The following IL1RAPL2 variants were observed in gnomAD, a reference collection of about 807,000 sequenced individuals.
The protein encoded by IL1RAPL2 is interleukin 1 receptor accessory protein like 2.
In IL1RAPL2, 3 loss-of-function variants were observed where a neutral mutation model predicts 44.1. The observed-to-expected ratio is 0.07, with a 90% CI of 0.03 to 0.18. The LOEUF is 0.18. Among genes scored for constraint, IL1RAPL2 ranks in the 10% least tolerant of loss-of-function variants. IL1RAPL2 has a pLI of 1.00. For synonymous variants in IL1RAPL2, 181 were observed against 178.8 expected (o/e 1.01, Z -0.10); for missense variants, 391 against 496.4 (o/e 0.79, Z 2.02).
chrX:105,139,937 G>A (rs2033111439), intron 2 of IL1RAPL2, among the ~76,000 whole-genome samples: 1 of 112,036 alleles, frequency 8.9e-6, no homozygotes, highest in African/African-American at 3.2e-5. Context: ...CACACAGACA[G>A]ATGTCATCTA....
chrX:105,576,192 T>A (rs766287759), intron 6 of IL1RAPL2, among the ~76,000 whole-genome samples: 1 of 111,654 alleles, frequency 9.0e-6, no homozygotes, highest in Non-Finnish European at 1.9e-5. Context: ...TTGCTTTTGT[T>A]GCAATTGATT....
intron 2 of IL1RAPL2, among the ~76,000 whole-genome samples, chrX:104,833,909 T>C (rs1043060688): frequency 3.6e-5 from 4 of 112,185 alleles, no homozygotes; most frequent in African/African-American, 1.3e-4. Flanking sequence ...TTTAATATTA[T>C]ACAAATATAT....
At chrX:105,388,356 A>ATTTTTTTTTTTTTTTTTTTTTTTTTTTT (rs772573698) in intron 5 of IL1RAPL2, among the ~76,000 whole-genome samples, 5 of 61,264 alleles carry the variant, frequency 8.2e-5, no homozygotes, top group African/African-American at 5.2e-4. Flanking sequence ...ACCAAAGCAG[A>ATTTTTTTTTTTTTTTTTTTTTTTTTTTT]TTTTTTTTTT....
intron 3 of IL1RAPL2, among the ~76,000 whole-genome samples, chrX:105,206,064 T>C (rs2147617567): frequency 9.0e-6 from 1 of 111,030 alleles, no homozygotes; most frequent in African/African-American, 3.3e-5. Context: ...AAAGGATGAC[T>C]CCTGTTGCTT....
At chrX:104,962,723 G>A (rs1454222216) in intron 2 of IL1RAPL2, among the ~76,000 whole-genome samples, 1 of 111,766 alleles carries the variant, frequency 8.9e-6, no homozygotes, top group Non-Finnish European at 1.9e-5. Context: ...ATTGGAAGGT[G>A]CCTTTAAAAA....
At chrX:105,447,106 T>TATATATAA (rs1466812826) in intron 5 of IL1RAPL2, among the ~76,000 whole-genome samples, 22 of 33,207 alleles carry the variant, frequency 6.6e-4, no homozygotes, top group Admixed American at 9.3e-4. Context: ...TATATATATA[T>TATATATAA]AAAAATATAT....
chrX:104,762,831 G>T (rs1055463033), intron 2 of IL1RAPL2, among the ~76,000 whole-genome samples: 20 of 111,258 alleles, frequency 1.8e-4, no homozygotes, highest in Non-Finnish European at 2.8e-4. Context: ...ACCAAGTCCT[G>T]AGACTACACA....
At chrX:104,570,420 C>T (rs1461707711) in intron 1 of IL1RAPL2, among the ~76,000 whole-genome samples, 1 of 111,973 alleles carries the variant, frequency 8.9e-6, no homozygotes. Context: ...GGCATGGTGG[C>T]TCACATCTGT....
In IL1RAPL2 at chrX:104,762,326, A is replaced by G. The variant is rs187102469; in HGVS notation, c.82+103331A>G. The stretch of plus-strand genomic sequence containing the variant: ...GGAGGTCAAATCCTAAAGCTCCAAA[A>G]TGATCTCCTTTGATTCCATGTCTCA... On this transcript the variant is annotated intron_variant, in intron 2 of 10. Coordinates refer to ENST00000372582, the MANE Select transcript of IL1RAPL2 (RefSeq NM_017416.2). Among the ~76,000 whole-genome samples the G allele has an allele frequency of 5.4e-5, 6 of 111,262 alleles. No homozygotes were observed. The East Asian group carries it at 1.7e-3, about 32-fold the overall frequency.
intron 5 of IL1RAPL2, among the ~76,000 whole-genome samples, chrX:105,343,997 T>C (rs1484574502): frequency 9.1e-6 from 1 of 110,477 alleles, no homozygotes; most frequent in African/African-American, 3.3e-5. Flanking sequence ...CAGGTTCAAG[T>C]GATTCCCCTG....
chrX:104,936,424 G>A (rs918017355), intron 2 of IL1RAPL2, among the ~76,000 whole-genome samples: 5 of 110,826 alleles, frequency 4.5e-5, no homozygotes, highest in African/African-American at 9.9e-5. Flanking sequence ...TGTTCTATGG[G>A]TTAAGGTCAA....
At chrX:105,243,789 G>T (rs184488344) in intron 4 of IL1RAPL2, among the ~76,000 whole-genome samples, 1 of 109,654 alleles carries the variant, frequency 9.1e-6, no homozygotes, top group East Asian at 2.9e-4. Flanking sequence ...CCTAGACTCA[G>T]CATGGATAGA....
intron 2 of IL1RAPL2, among the ~76,000 whole-genome samples, chrX:104,805,058 C>T (rs1361861): frequency 0.43 from 47,843 of 110,593 alleles, 7,449 homozygotes; most frequent in East Asian, 0.46. Flanking sequence ...CTGCCTAAAA[C>T]GTCCAGTGTA....
At chrX:105,225,649 T>G (rs1471809974) in intron 3 of IL1RAPL2, among the ~76,000 whole-genome samples, 1 of 106,485 alleles carries the variant, frequency 9.4e-6, no homozygotes, top group African/African-American at 3.3e-5. Context: ...CAAAGGTGTA[T>G]GTATAGAAAA....
chrX:105,447,656 AATAAAT>A (rs1302595379), intron 5 of IL1RAPL2, among the ~76,000 whole-genome samples: 7 of 77,340 alleles, frequency 9.1e-5, no homozygotes, highest in Non-Finnish European at 1.5e-4. Context: ...TATAAATATA[AATAAAT>A]ATAAATATAT....
chrX:105,470,276 C>A (rs998057477), intron 5 of IL1RAPL2, among the ~76,000 whole-genome samples: 3 of 111,554 alleles, frequency 2.7e-5, no homozygotes, highest in African/African-American at 9.8e-5. Flanking sequence ...CTACACAGGG[C>A]AGTTACCATA....
At position 105,422,306 on chromosome X, in the gene IL1RAPL2, C is replaced by T. The variant is rs773934607; in HGVS notation, c.698-62007C>T. Among the ~76,000 whole-genome samples the T allele has an allele frequency of 3.6e-5, 4 of 111,594 alleles. No homozygotes were observed. In the East Asian group the frequency reaches 1.1e-3, roughly 32 times the overall value. On this transcript the variant is annotated intron_variant, in intron 5 of 10. Transcript: ENST00000372582. ...GGCTCCTGGTCCTGTCAGAAAGTGA[C>T]ATTCTTTACTTACCCCGGGTTAGGA...
chrX:104,762,175 T>C (rs1932472433), intron 2 of IL1RAPL2, among the ~76,000 whole-genome samples: 1 of 109,057 alleles, frequency 9.2e-6, no homozygotes, highest in Admixed American at 1.0e-4. Flanking sequence ...TTTTTTGTAT[T>C]TTTAGTGGTG....
intron 5 of IL1RAPL2, among the ~76,000 whole-genome samples, chrX:105,413,198 C>T (rs1346823378): frequency 9.0e-6 from 1 of 111,590 alleles, no homozygotes; most frequent in Non-Finnish European, 1.9e-5. Flanking sequence ...GTGCTAATGT[C>T]GATAACATGG....
Sources: gnomAD v4.1 joint callset for allele counts (sites outside exome capture counted in the v4.1 genomes callset) on GRCh38, gnomAD v4.1.1 for gene constraint, MANE v1.5 for transcripts, NCBI Gene and HGNC (gene_info 2026-07-23, HGNC 2026-07-21) for gene names.